The following PRKN variants were observed in gnomAD, a reference collection of about 807,000 sequenced individuals.
PRKN encodes parkin RBR E3 ubiquitin protein ligase, also known as E3 ubiquitin-protein ligase parkin.
Under a neutral mutation model 59.5 loss-of-function variants are expected in PRKN, and 56 were observed. The observed-to-expected ratio is 0.94, with a 90% confidence interval of 0.76 to 1.18. PRKN has a LOEUF of 1.18. PRKN is among the 50% of genes most tolerant of loss of function. PRKN has a pLI of 0.00. For missense variants in PRKN, 657 were observed against 596.4 expected, an observed-to-expected ratio of 1.10 and a Z score of -1.06; for synonymous variants, 250 against 222.1, an observed-to-expected ratio of 1.13 and a Z score of -1.12.
At chr6:161,949,903 A>C (rs1178328410) in intron 6 of PRKN, among the ~76,000 whole-genome samples, 2 of 152,244 alleles carry the variant, frequency 1.3e-5, no homozygotes, top group East Asian at 1.9e-4. Context: ...TCAGTGGCTT[A>C]CAGATATTGG....
chr6:162,297,325 T>A (rs1037931085), intron 2 of PRKN, among the ~76,000 whole-genome samples: 1 of 152,122 alleles, frequency 6.6e-6, no homozygotes, highest in Non-Finnish European at 1.5e-5. Context: ...CGTTACAAGA[T>A]CCTGGTAGTA....
At chr6:162,129,343 T>C (rs2128307667) in intron 4 of PRKN, among the ~76,000 whole-genome samples, 1 of 152,278 alleles carries the variant, frequency 6.6e-6, no homozygotes, top group South Asian at 2.1e-4. Context: ...GATTCAAATA[T>C]AAATAAGTGT....
chr6:161,935,477 C>T (rs750975932), intron 6 of PRKN, among the ~76,000 whole-genome samples: 53 of 148,256 alleles, frequency 3.6e-4, no homozygotes, highest in Middle Eastern at 3.5e-3. Flanking sequence ...TTGCTTAAGC[C>T]GGGGAAGTTG....
At chr6:161,968,444 C>A (rs1049326886) in intron 6 of PRKN, among the ~76,000 whole-genome samples, 31 of 152,096 alleles carry the variant, frequency 2.0e-4, no homozygotes, top group African/African-American at 7.0e-4. Context: ...TCTGACCTCC[C>A]ACCCCATCAT....
chr6:162,019,744 G>A (rs528519757), intron 5 of PRKN, among the ~76,000 whole-genome samples: 38 of 152,264 alleles, frequency 2.5e-4, no homozygotes, highest in Middle Eastern at 3.4e-3. Flanking sequence ...TCATGGCTGG[G>A]TATGGTGGTC....
intron 5 of PRKN, among the ~76,000 whole-genome samples, chr6:162,025,991 G>A (rs1783420071): frequency 6.6e-6 from 1 of 152,128 alleles, no homozygotes; most frequent in South Asian, 2.1e-4. Context: ...TGCAGTCAAG[G>A]AAAGGTTAAC....
At chr6:162,117,191 A>T (rs1316392920) in intron 4 of PRKN, among the ~76,000 whole-genome samples, 3 of 152,240 alleles carry the variant, frequency 2.0e-5, no homozygotes, top group African/African-American at 7.2e-5. Context: ...TGGGGCTTAA[A>T]ATAGATAATG....
chr6:162,197,998 C>T (rs1784562612), intron 4 of PRKN, among the ~76,000 whole-genome samples: 2 of 152,052 alleles, frequency 1.3e-5, no homozygotes, highest in Admixed American at 1.3e-4. Flanking sequence ...CAAGTAAGGA[C>T]ACTTTGGTAG....
chr6:161,427,876 G>T (rs1041200917), intron 9 of PRKN, among the ~76,000 whole-genome samples: 1 of 152,118 alleles, frequency 6.6e-6, no homozygotes, highest in East Asian at 1.9e-4. Flanking sequence ...GGCTTCTCAA[G>T]CAAATCAGTC....
intron 2 of PRKN, among the ~76,000 whole-genome samples, chr6:162,339,945 T>C (rs1432548129): frequency 6.7e-6 from 1 of 148,526 alleles, no homozygotes; most frequent in Non-Finnish European, 1.5e-5. Flanking sequence ...GGCAGCATGC[T>C]CGTTAAGAGT....
intron 3 of PRKN, among the ~76,000 whole-genome samples, chr6:162,245,188 A>G (rs572538700): frequency 8.5e-5 from 13 of 152,226 alleles, no homozygotes; most frequent in Admixed American, 2.0e-4. Flanking sequence ...GGTTTATTAT[A>G]TGGGCTATTT....
At chr6:162,467,989 T>C (rs756667208) in intron 1 of PRKN, among the ~76,000 whole-genome samples, 1 of 152,178 alleles carries the variant, frequency 6.6e-6, no homozygotes, top group Admixed American at 6.5e-5. Context: ...GCTGCACAGG[T>C]CTTCCTGTGA....
At chr6:162,477,252 C>A (rs1444906686) in intron 1 of PRKN, among the ~76,000 whole-genome samples, 1 of 152,170 alleles carries the variant, frequency 6.6e-6, no homozygotes, top group African/African-American at 2.4e-5. Context: ...AACTTCTATC[C>A]TGGTAGGTAC....
intron 6 of PRKN, among the ~76,000 whole-genome samples, chr6:161,790,861 C>T (rs1342605946): frequency 1.3e-5 from 2 of 152,120 alleles, no homozygotes; most frequent in African/African-American, 4.8e-5. Flanking sequence ...GGAGGGAAAG[C>T]TGGAAGTAGT....
chr6:162,407,027 G>A (rs1217722866), intron 2 of PRKN, among the ~76,000 whole-genome samples: 1 of 152,034 alleles, frequency 6.6e-6, no homozygotes, highest in Admixed American at 6.6e-5. Context: ...TGTGCGGACA[G>A]TTACTAGATC....
chr6:162,411,508 C>T (rs968390642), intron 2 of PRKN, among the ~76,000 whole-genome samples: 5 of 152,138 alleles, frequency 3.3e-5, no homozygotes. Context: ...CACTTGTCAA[C>T]TGTGCAATGT....
intron 1 of PRKN, among the ~76,000 whole-genome samples, chr6:162,492,956 C>CAAAAAAAAA (rs34716532): frequency 9.1e-6 from 1 of 110,348 alleles, no homozygotes; most frequent in Non-Finnish European, 1.8e-5. Context: ...TTGTCTCAAA[C>CAAAAAAAAA]AAAAAAAAAA....
intron 2 of PRKN, among the ~76,000 whole-genome samples, chr6:162,370,919 A>T (rs1785730282): frequency 6.6e-6 from 1 of 152,164 alleles, no homozygotes. Flanking sequence ...AATGGTACTG[A>T]GCATGGAACG....
At chr6:162,522,144 G>A (rs1220433870) in intron 1 of PRKN, among the ~76,000 whole-genome samples, 1 of 151,964 alleles carries the variant, frequency 6.6e-6, no homozygotes, top group Non-Finnish European at 1.5e-5. Context: ...GTTTTTTTGA[G>A]ACAAGCTCTG....
Sources: gnomAD v4.1 joint callset for allele counts (sites outside exome capture counted in the v4.1 genomes callset) on GRCh38, gnomAD v4.1.1 for gene constraint, MANE v1.5 for transcripts, NCBI Gene and HGNC (gene_info 2026-07-23, HGNC 2026-07-21) for gene names.